USP15: variants seen among roughly 807,000 people sequenced by gnomAD.
USP15 encodes ubiquitin carboxyl-terminal hydrolase 15.
USP15 carries 18 observed loss-of-function variants against 127.1 expected under a neutral mutation model. The ratio of observed to expected loss-of-function variants is 0.14; its 90% CI spans 0.10 to 0.21. The LOEUF is 0.21. Ranked by LOEUF, USP15 falls within the 10% of genes least tolerant of loss-of-function variation. The pLI is 1.00. For missense variants in USP15, 805 were observed against 1,159.9 expected (o/e 0.69, Z 4.44); for synonymous variants, 364 against 393.7 (o/e 0.92, Z 0.89).
chr12:62,366,944 C>T (rs1340055723), intron 8 of USP15, among the ~76,000 whole-genome samples: 3 of 152,080 alleles, frequency 2.0e-5, no homozygotes, highest in Admixed American at 1.3e-4. Context: ...GTGCTGGATT[C>T]GGTTTGCCAG....
intron 6 of USP15, among the ~76,000 whole-genome samples, chr12:62,346,165 T>C (rs2065811650): frequency 6.6e-6 from 1 of 152,248 alleles, no homozygotes; most frequent in Non-Finnish European, 1.5e-5. Context: ...GCCATGATAC[T>C]TCAGTTTGTA....
chr12:62,356,015 C>T (rs76846425), intron 8 of USP15, among the ~76,000 whole-genome samples: 3,333 of 151,080 alleles, frequency 0.022, 125 homozygotes, highest in African/African-American at 0.075. Context: ...AGTCTATATC[C>T]TCAACTTGTT....
chr12:62,308,532 G>A (rs914589724), intron 3 of USP15, among the ~76,000 whole-genome samples: 6 of 151,984 alleles, frequency 3.9e-5, no homozygotes, highest in African/African-American at 7.3e-5. Context: ...CACTCTGGGC[G>A]AAGCCATAAC....
At chr12:62,351,319 G>A (rs753069260) in intron 7 of USP15, among the ~76,000 whole-genome samples, 1 of 150,404 alleles carries the variant, frequency 6.6e-6, no homozygotes, top group Non-Finnish European at 1.5e-5. Context: ...ATAACCCCTC[G>A]TAATTTGGTT....
At chr12:62,291,408 T>G (rs946663890) in intron 1 of USP15, among the ~76,000 whole-genome samples, 20 of 152,244 alleles carry the variant, frequency 1.3e-4, no homozygotes, top group African/African-American at 4.8e-4. Flanking sequence ...AGATTTCATT[T>G]ATATCCTTAA....
At chr12:62,336,638 A>G (rs1041027847) in intron 6 of USP15, 6 of 365,956 alleles carry the variant, frequency 1.6e-5, no homozygotes, top group Non-Finnish European at 2.3e-5. Flanking sequence ...TGACATGAAT[A>G]ACACTTTTAT....
chr12:62,398,082 C>T (rs936438872), intron 20 of USP15, among the ~76,000 whole-genome samples: 4 of 151,852 alleles, frequency 2.6e-5, no homozygotes, highest in Non-Finnish European at 4.4e-5. Flanking sequence ...ACCTCCACCT[C>T]CTGGGTTCAA....
intron 6 of USP15, among the ~76,000 whole-genome samples, chr12:62,330,540 C>G (rs188626824): frequency 6.8e-6 from 1 of 147,598 alleles, no homozygotes; most frequent in Admixed American, 6.8e-5. Flanking sequence ...GAGCCAAGAT[C>G]ACACCACTAC....
intron 1 of USP15, among the ~76,000 whole-genome samples, chr12:62,266,631 C>T (rs1258455106): frequency 6.6e-6 from 1 of 151,710 alleles, no homozygotes; most frequent in Non-Finnish European, 1.5e-5. Flanking sequence ...TAAATTGAAA[C>T]CATTGGGCAT....
intron 1 of USP15, among the ~76,000 whole-genome samples, chr12:62,292,336 A>T (rs2063996469): frequency 1.3e-5 from 2 of 152,264 alleles, no homozygotes; most frequent in South Asian, 2.1e-4. Context: ...TTGACAGTAC[A>T]CTTCTGTGCT....
chr12:62,367,011 C>CT (rs1406891648), intron 8 of USP15, among the ~76,000 whole-genome samples: 2 of 152,098 alleles, frequency 1.3e-5, no homozygotes, highest in South Asian at 2.1e-4. Flanking sequence ...CTGAAATTTT[C>CT]TTTTTTTGTT....
At chr12:62,306,894 T>TAAGTATTAAGACAAAAG (rs1257917860) in intron 3 of USP15, among the ~76,000 whole-genome samples, 2 of 152,144 alleles carry the variant, frequency 1.3e-5, no homozygotes, top group African/African-American at 2.4e-5. Flanking sequence ...CAAAAGGCCC[T>TAAGTATTAAGACAAAAG]ATAAAGTATT....
At chr12:62,401,975 TTGAATACTA>T (rs548454407) in intron 21 of USP15, among the ~76,000 whole-genome samples, 14 of 151,010 alleles carry the variant, frequency 9.3e-5, no homozygotes, top group Non-Finnish European at 1.9e-4. Context: ...AAAAAGAGAC[TTGAATACTA>T]TAAATTTTTA....
At chr12:62,392,109 G>T (rs2067343719) in intron 17 of USP15, among the ~76,000 whole-genome samples, 163 bp from the exon 18 acceptor site, 1 of 151,914 alleles carries the variant, frequency 6.6e-6, no homozygotes, top group African/African-American at 2.4e-5. Context: ...CCATATAGAA[G>T]TGTACAGGAA....
At chr12:62,323,432 T>C (rs554634342) in intron 5 of USP15, among the ~76,000 whole-genome samples, 1 of 152,324 alleles carries the variant, frequency 6.6e-6, no homozygotes, top group East Asian at 1.9e-4. Flanking sequence ...ATGCCCACTA[T>C]ATGTCAAGAA....
At chr12:62,315,175 TG>T in intron 4 of USP15, 1 of 229,446 alleles carries the variant, frequency 4.4e-6, no homozygotes, top group Non-Finnish European at 8.3e-6. Context: ...ATTTAGCAAC[TG>T]GTGTGTCATT....
chr12:62,400,106 C>T (rs1348265720), intron 20 of USP15, among the ~76,000 whole-genome samples: 1 of 152,024 alleles, frequency 6.6e-6, no homozygotes, highest in Non-Finnish European at 1.5e-5. Flanking sequence ...GAAACAATGA[C>T]CACATATAAT....
intron 1 of USP15, among the ~76,000 whole-genome samples, chr12:62,281,921 A>T (rs2063660427): frequency 6.6e-6 from 1 of 152,196 alleles, no homozygotes; most frequent in South Asian, 2.1e-4. Flanking sequence ...TTAGTACCGC[A>T]GTCCCTTTTT....
intron 5 of USP15, among the ~76,000 whole-genome samples, chr12:62,324,184 CAA>C (rs1212776569): frequency 1.3e-5 from 2 of 151,686 alleles, no homozygotes; most frequent in African/African-American, 4.8e-5. Context: ...TTAACTATAA[CAA>C]AATTTTATGC....
Sources: allele counts gnomAD v4.1 joint callset (sites outside exome capture counted in the v4.1 genomes callset), GRCh38; gene constraint gnomAD v4.1.1; transcripts MANE v1.5; gene names NCBI Gene and HGNC (gene_info 2026-07-23, HGNC 2026-07-21).